CCDC30: variants seen among roughly 807,000 people sequenced by gnomAD.
CCDC30 encodes coiled-coil domain containing 30.
In CCDC30, 70 loss-of-function variants were observed where a neutral mutation model predicts 100.2. The observed-to-expected ratio is 0.70, with a 90% CI of 0.58 to 0.85. The LOEUF (loss-of-function observed/expected upper bound fraction) is 0.85, where lower values mean the gene tolerates loss of function less well. CCDC30 is among the 40% of genes least tolerant of loss of function. CCDC30 has a pLI of 0.00. For missense variants in CCDC30, 652 were observed against 771.2 expected, an observed-to-expected ratio of 0.85 and a Z score of 1.83; for synonymous variants, 233 against 269.5, an observed-to-expected ratio of 0.86 and a Z score of 1.33.
intron 6 of CCDC30, among the ~76,000 whole-genome samples, chr1:42,565,581 G>A (rs1645588390): frequency 6.6e-6 from 1 of 152,112 alleles, no homozygotes; most frequent in Non-Finnish European, 1.5e-5. Context: ...TCGACACTGT[G>A]GGTGGGAATG....
In CCDC30 at chr1:42,529,363, T is replaced by C. The variant is rs139533945; in HGVS notation, c.456+30447T>C. Among the ~76,000 whole-genome samples the C allele has an allele frequency of 1.6e-3, 248 of 152,200 alleles. 4 individuals are homozygous for C. In the East Asian group the frequency reaches 0.017, roughly 11 times the overall value. Reference sequence around the variant, plus strand: ...GGCGGACGCCTGTAATCCTAGCTACTTGGGGGGCTGAGGCAGGAGAATAGC... The same window carrying C: ...GGCGGACGCCTGTAATCCTAGCTACCTGGGGGGCTGAGGCAGGAGAATAGC... On this transcript the variant is annotated intron_variant, in intron 6 of 16. Coordinates refer to ENST00000668663, the Ensembl canonical transcript of CCDC30.
chr1:42,505,706 C>A (rs1475242138), intron 6 of CCDC30, among the ~76,000 whole-genome samples: 1 of 152,156 alleles, frequency 6.6e-6, no homozygotes, highest in South Asian at 2.1e-4. Context: ...GGGTTTTTAT[C>A]CTTAAATACC....
At chr1:42,459,392 C>T, upstream of CCDC30, 1 of 571,876 alleles carries the variant, frequency 1.7e-6, no homozygotes, top group Non-Finnish European at 3.1e-6. Flanking sequence ...TTGAACTGGG[C>T]TCAAGCGATC....
intron 11 of CCDC30, among the ~76,000 whole-genome samples, chr1:42,621,778 CGGG>C (rs1202258799): frequency 1.3e-5 from 2 of 151,350 alleles, no homozygotes; most frequent in Admixed American, 6.6e-5. Context: ...CCCAAAGTGC[CGGG>C]ATTACAGGTG....
intron 6 of CCDC30, among the ~76,000 whole-genome samples, chr1:42,548,706 AAGG>A (rs1158816137): frequency 6.6e-6 from 1 of 152,130 alleles, no homozygotes; most frequent in African/African-American, 2.4e-5. Context: ...AATTGGAGAG[AAGG>A]AGATGGAAGA....
At chr1:42,539,918 TAAAAA>T (rs11286901) in intron 6 of CCDC30, among the ~76,000 whole-genome samples, 2 of 138,654 alleles carry the variant, frequency 1.4e-5, no homozygotes, top group African/African-American at 5.3e-5. Context: ...ACCCCATCTC[TAAAAA>T]AAAAAAAAAA....
At chr1:42,511,648 T>C (rs1223832132) in intron 6 of CCDC30, among the ~76,000 whole-genome samples, 3 of 152,148 alleles carry the variant, frequency 2.0e-5, no homozygotes. Flanking sequence ...AAGCAGAGTT[T>C]TCCCATTTAC....
chr1:42,653,789 A>C, intron 16 of CCDC30, 29 bp from the exon 21 acceptor site: 3 of 1,550,824 alleles, frequency 1.9e-6, no homozygotes, highest in Non-Finnish European at 2.7e-6. Context: ...CTCTATGTAC[A>C]TGATGTCCTC....
chr1:42,632,873 G>C (rs138849270), intron 11 of CCDC30, among the ~76,000 whole-genome samples: 1 of 151,092 alleles, frequency 6.6e-6, no homozygotes, highest in Non-Finnish European at 1.5e-5. Flanking sequence ...TGCAGTACAC[G>C]ATCTCAGCTC....
intron 6 of CCDC30, among the ~76,000 whole-genome samples, chr1:42,544,835 C>G (rs1645090024): frequency 6.6e-6 from 1 of 152,124 alleles, no homozygotes. Context: ...AATTCTTCAG[C>G]TGATGCTTTT....
At chr1:42,472,290 A>G (rs890918547) in intron 1 of CCDC30, among the ~76,000 whole-genome samples, 2 of 152,156 alleles carry the variant, frequency 1.3e-5, no homozygotes, top group African/African-American at 4.8e-5. Flanking sequence ...AGTAACACAG[A>G]TATCACTTCA....
intron 1 of CCDC30, among the ~76,000 whole-genome samples, chr1:42,472,454 A>G (rs1482637604): frequency 6.6e-6 from 1 of 152,220 alleles, no homozygotes; most frequent in African/African-American, 2.4e-5. Context: ...ATAAATTATA[A>G]GACATATTCT....
chr1:42,575,649 C>CAA (rs71065186), intron 7 of CCDC30, among the ~76,000 whole-genome samples: 2 of 76,950 alleles, frequency 2.6e-5, no homozygotes, highest in African/African-American at 1.1e-4. Context: ...GACCCTGTCT[C>CAA]AAAAAAAAAG....
At chr1:42,622,446 A>G (rs886604042) in intron 11 of CCDC30, among the ~76,000 whole-genome samples, 1 of 152,330 alleles carries the variant, frequency 6.6e-6, no homozygotes, top group South Asian at 2.1e-4. Flanking sequence ...TCTTTTGGAT[A>G]TATACTCAGC....
chr1:42,475,396 C>G (rs557306593), intron 1 of CCDC30, among the ~76,000 whole-genome samples: 3 of 151,972 alleles, frequency 2.0e-5, no homozygotes, highest in Admixed American at 1.3e-4. Context: ...TGTAACCTAA[C>G]AGAGGGAAGA....
chr1:42,544,995 A>G (rs1031561241), intron 6 of CCDC30, among the ~76,000 whole-genome samples: 3 of 151,944 alleles, frequency 2.0e-5, no homozygotes, highest in Non-Finnish European at 4.4e-5. Flanking sequence ...TGTTTTTATT[A>G]TATATTATTG....
At chr1:42,577,316 G>T in intron 8 of CCDC30, 87 bp downstream of exon 12, 1 of 856,998 alleles carries the variant, frequency 1.2e-6, no homozygotes, top group Non-Finnish European at 1.8e-6. Flanking sequence ...AAATAAATAT[G>T]ATGCAGACTT....
At chr1:42,525,420 A>G (rs1333946977) in intron 6 of CCDC30, among the ~76,000 whole-genome samples, 32 of 152,060 alleles carry the variant, frequency 2.1e-4, no homozygotes, top group Non-Finnish European at 1.9e-4. Context: ...TTTTAATCCC[A>G]TCCCATGAAT....
chr1:42,650,436 T>G (rs1648237693), intron 15 of CCDC30, among the ~76,000 whole-genome samples: 1 of 150,920 alleles, frequency 6.6e-6, no homozygotes, highest in Non-Finnish European at 1.5e-5. Context: ...CAGTGAGCCA[T>G]GATTGTGCCA....
Sources: gnomAD v4.1 joint callset for allele counts (sites outside exome capture counted in the v4.1 genomes callset) on GRCh38, gnomAD v4.1.1 for gene constraint, MANE v1.5 for transcripts, NCBI Gene and HGNC (gene_info 2026-07-23, HGNC 2026-07-21) for gene names.